TMEM94: variants seen among roughly 807,000 people sequenced by gnomAD.
The protein encoded by TMEM94 is transmembrane protein 94.
Under a neutral mutation model 158.6 loss-of-function variants are expected in TMEM94, and 81 were observed. The ratio of observed to expected loss-of-function variants is 0.51; its 90% CI spans 0.43 to 0.61. The LOEUF is 0.61. Among genes scored for constraint, TMEM94 ranks in the 20% least tolerant of loss-of-function variants. The probability of loss-of-function intolerance (pLI) is 0.00; values close to 1 mark genes in which losing one functional copy is unlikely to be tolerated. For synonymous variants in TMEM94, 751 were observed against 730.7 expected, an observed-to-expected ratio of 1.03 and a Z score of -0.45; for missense variants, 1,435 against 1,762.0, an observed-to-expected ratio of 0.81 and a Z score of 3.32.
intron 26 of TMEM94, 80 bp from the exon 27 acceptor site, chr17:75,497,701 C>A: frequency 8.5e-7 from 1 of 1,174,130 alleles, no homozygotes; most frequent in South Asian, 1.3e-5. Flanking sequence ...ACGCGCAAGA[C>A]TCCCTAGAGG....
At chr17:75,465,206 C>A (rs2146114170) in intron 1 of TMEM94, among the ~76,000 whole-genome samples, 1 of 152,068 alleles carries the variant, frequency 6.6e-6, no homozygotes, top group Admixed American at 6.6e-5. Context: ...AAGACAGGGT[C>A]TTGCTATGTT....
At position 75,495,159 on chromosome 17, in the gene TMEM94, G is replaced by A; in HGVS notation, c.2728+125G>A. ...GTACATTCCCTTGGGAAATGGCTCT[G>A]ATGTCCCTGCGGGAAACAGTAGTCA... On this transcript the variant is annotated intron_variant, in intron 20 of 31. Transcript: ENST00000314256. This position sits in a 1 kb window ranked among gnomAD's most constrained non-coding sequence, Gnocchi z 5.6. 6.9e-7 allele frequency: 1 copy of A among 1,441,078 alleles called. No homozygotes were observed. The highest frequency in any genetic ancestry group is 1.4e-5 in the African/African-American group (1 of 70,774). The allele number at this position is 1,441,078 out of a possible 1,614,324, so 89.3% of individuals were successfully genotyped here. A position where few individuals can be genotyped will look rare whatever the true frequency, so the allele number is the denominator to read the frequency against.
chr17:75,496,660 G>C, intron 24 of TMEM94, 70 bp from the exon 25 acceptor site: 1 of 1,517,496 alleles, frequency 6.6e-7, no homozygotes, highest in Non-Finnish European at 9.1e-7. Flanking sequence ...CTTGGCTAAA[G>C]TGTGTCAGCT....
intron 1 of TMEM94, among the ~76,000 whole-genome samples, chr17:75,463,031 AAAAAAAATATATATATATAT>A (rs2050137060): frequency 1.2e-4 from 1 of 8,062 alleles, no homozygotes; most frequent in African/African-American, 7.4e-4. Flanking sequence ...AAAAAAAAAA[AAAAAAAATATATATATATAT>A]ATATATATAT....
At chr17:75,476,664 A>T in intron 2 of TMEM94, 1 of 1,535,040 alleles carries the variant, frequency 6.5e-7, no homozygotes, top group Non-Finnish European at 8.7e-7. Flanking sequence ...CTTGCAGCTG[A>T]CTGCTTGTGG....
intron 2 of TMEM94, chr17:75,476,677 C>T (rs1297949202): frequency 3.6e-5 from 55 of 1,535,464 alleles, no homozygotes; most frequent in Middle Eastern, 1.7e-4. Context: ...GCTTGTGGCT[C>T]AGACTCTGGC....
chr17:75,483,449 A>G (rs1190541623), intron 2 of TMEM94, among the ~76,000 whole-genome samples: 1 of 150,844 alleles, frequency 6.6e-6, no homozygotes, highest in African/African-American at 2.4e-5. Context: ...GGCAAGTTCA[A>G]GTTTTTTTCT....
Position 75,456,682 on chromosome 17 carries a change from G to C in TMEM94, c.-176G>C, listed in dbSNP as rs1165756652. On this transcript the variant is annotated 5_prime_UTR_variant, in exon 1 of 32. Transcript: ENST00000314256. The stretch of plus-strand genomic sequence containing the variant: ...GACATGGCTGCGGCCCCCGGAGGAG[G>C]GGACGTGAAGTGAGGAGGGGGTTGG... 1 of 152,318 alleles carries C rather than the reference G, an allele frequency of 6.6e-6. No homozygotes were observed. The highest frequency in any genetic ancestry group is 1.5e-5 in the Non-Finnish European group (1 of 68,112). The allele number at this position is 152,318 out of a possible 1,614,324, so 9.4% of individuals were successfully genotyped here.
At chr17:75,475,784 C>T (rs987945893) in intron 2 of TMEM94, among the ~76,000 whole-genome samples, 3 of 152,202 alleles carry the variant, frequency 2.0e-5, no homozygotes, top group East Asian at 1.9e-4. Flanking sequence ...GGGGCATCAC[C>T]GGCTGCTGGC....
Position 75,495,841 on chromosome 17 carries a change from T to A in TMEM94, c.2945-125T>A. Reference sequence around the variant, plus strand: ...GTTCACATGATCCCGCTGCCGGGGGTGGGATTGTTTCAAAGAGGGGCCCAC... The same window carrying A: ...GTTCACATGATCCCGCTGCCGGGGGAGGGATTGTTTCAAAGAGGGGCCCAC... On this transcript the variant is annotated intron_variant, in intron 22 of 31. Transcript: ENST00000314256. This position sits in a 1 kb window ranked among gnomAD's most constrained non-coding sequence, Gnocchi z 5.6. The A allele has an allele frequency of 2.5e-6, 2 of 810,202 alleles. No homozygotes were observed. The highest frequency in any genetic ancestry group is 4.0e-6 in the Non-Finnish European group (2 of 497,152). The allele number at this position is 810,202 out of a possible 1,614,324, so 50.2% of individuals were successfully genotyped here. A position where few individuals can be genotyped will look rare whatever the true frequency, so the allele number is the denominator to read the frequency against.
At position 75,491,535 on chromosome 17, in the gene TMEM94, G is replaced by A. The variant is rs935593260; in HGVS notation, c.1386+80G>A. The A allele has an allele frequency of 2.4e-5, 38 of 1,604,764 alleles. No homozygotes were observed. The highest frequency in any genetic ancestry group is 2.8e-5 in the Non-Finnish European group (33 of 1,173,574). ...TAGCCTTGGAGCCTGGCCAGGGAGG[G>A]TGAGGTTTCGGAGGGCGAAGGAGGG... On this transcript the variant is annotated intron_variant, in intron 13 of 31. Coordinates refer to ENST00000314256, the MANE Select transcript of TMEM94 (RefSeq NM_014738.6). This position sits in a 1 kb window ranked among gnomAD's most constrained non-coding sequence, Gnocchi z 5.1.
chr17:75,478,468 C>T (rs186607067), intron 2 of TMEM94, among the ~76,000 whole-genome samples: 291 of 152,116 alleles, frequency 1.9e-3, no homozygotes, highest in Admixed American at 5.0e-3. Flanking sequence ...TCAGGTGTGT[C>T]GGCTCTCGAA....
chr17:75,498,286 C>T lies in TMEM94; in HGVS notation c.3601C>T (p.Arg1201Cys), dbSNP rs370096925. 1.6e-4 allele frequency: 263 copies of T among 1,613,364 alleles called. No homozygotes were observed. The highest frequency in any genetic ancestry group is 1.5e-4 in the Non-Finnish European group (175 of 1,180,018). The change falls in exon 28 of 32, where the codon CGC becomes TGC. Residue 1201 changes from arginine to cysteine, a missense_variant. By Grantham distance (180) the Arg-to-Cys change is radical (BLOSUM62 -3). Coordinates refer to ENST00000314256, the MANE Select transcript of TMEM94 (RefSeq NM_014738.6). The surrounding 1 kb of genome is among the most constrained non-coding windows in gnomAD (Gnocchi z 6.7). ...LQSFCDSSRD[R>C]NLTNCSSVML... The stretch of plus-strand genomic sequence containing the variant: ...GAGCTTCTGTGACAGCTCCCGGGAC[C>T]GCAACCTCACCAACTGCTCCTCCGT...
At chr17:75,458,359 TG>T (rs2049956036) in intron 1 of TMEM94, among the ~76,000 whole-genome samples, 1 of 152,108 alleles carries the variant, frequency 6.6e-6, no homozygotes. Flanking sequence ...AGTTAGATCC[TG>T]AGGCATAACT....
At chr17:75,465,574 G>T (rs371897067) in intron 1 of TMEM94, among the ~76,000 whole-genome samples, 2 of 151,020 alleles carry the variant, frequency 1.3e-5, no homozygotes, top group Non-Finnish European at 2.9e-5. Flanking sequence ...AAGACTGCAG[G>T]TGTGTGCCAA....
At chr17:75,490,082 A>G in intron 9 of TMEM94, 152 bp from the exon 10 acceptor site, 2 of 1,196,368 alleles carry the variant, frequency 1.7e-6, no homozygotes, top group South Asian at 3.1e-5. Flanking sequence ...CGTCTCAAAA[A>G]AAAAAAAAAA....
chr17:75,494,741 T>C lies in TMEM94; in HGVS notation c.2522T>C (p.Ile841Thr). 6.2e-7 allele frequency: 1 copy of C among 1,613,740 alleles called. No individual in the cohort carries two copies. Among genetic ancestry groups the C allele is most frequent in the Non-Finnish European group, 8.5e-7 (1 of 1,180,032 alleles). ...YQARLDIVRL[I>T]DGLVNACIRF... The stretch of plus-strand genomic sequence containing the variant: ...GCCCGGCTGGACATCGTGCGCCTCA[T>C]TGATGGGCTTGTCAACGCCTGCATC... The change falls in exon 19 of 32, where the codon ATT (isoleucine) becomes ACT (threonine). Residue 841 changes from isoleucine to threonine, a missense_variant. Coordinates refer to ENST00000314256, the MANE Select transcript of TMEM94 (RefSeq NM_014738.6).
Position 75,485,678 on chromosome 17 carries a change from A to AT in TMEM94, c.144+131_144+132insT. The AT allele has an allele frequency of 7.1e-7, 1 of 1,408,996 alleles. No homozygotes were observed. Among genetic ancestry groups the AT allele is most frequent in the South Asian group, 1.3e-5 (1 of 76,124 alleles). The allele number at this position is 1,408,996 out of a possible 1,614,324, so 87.3% of individuals were successfully genotyped here. A position where few individuals can be genotyped will look rare whatever the true frequency, so the allele number is the denominator to read the frequency against. On this transcript the variant is annotated intron_variant, in intron 3 of 31. Coordinates refer to ENST00000314256, the MANE Select transcript of TMEM94 (RefSeq NM_014738.6). This position sits in a 1 kb window ranked among gnomAD's most constrained non-coding sequence, Gnocchi z 5.5. The stretch of plus-strand genomic sequence containing the variant: ...CCCAACTGAGGCCTCATGAAATATC[A>AT]GAAAGAAGCCAAGGTTCCCCTCAGA...
chr17:75,491,959 CCCTGGCCAG>C lies in TMEM94; in HGVS notation c.1596+67_1596+75del. 1 of 1,493,500 alleles carries C rather than the reference CCCTGGCCAG, an allele frequency of 6.7e-7. No individual in the cohort carries two copies. The highest frequency in any genetic ancestry group is 1.2e-5 in the South Asian group (1 of 84,164). 92.5% of individuals were successfully genotyped at this position (1,493,500 alleles called of 1,614,324 possible). A position where few individuals can be genotyped will look rare whatever the true frequency, so the allele number is the denominator to read the frequency against. On this transcript the variant is annotated intron_variant, in intron 14 of 31. Coordinates refer to ENST00000314256, the MANE Select transcript of TMEM94 (RefSeq NM_014738.6). The surrounding 1 kb of genome is among the most constrained non-coding windows in gnomAD (Gnocchi z 5.1). ...CCTCGGCCACAGGCTGTCCTGGCCT[CCCTGGCCAG>C]CCTGGCCTCACAAGGTCTGAAAGAG...
Sources: allele counts gnomAD v4.1 joint callset (sites outside exome capture counted in the v4.1 genomes callset), GRCh38; gene constraint gnomAD v4.1.1; non-coding constraint Gnocchi (gnomAD v3.1); transcripts MANE v1.5; gene names NCBI Gene and HGNC (gene_info 2026-07-23, HGNC 2026-07-21).